The following SH3PXD2A variants were observed in gnomAD, a reference collection of about 807,000 sequenced individuals.
SH3PXD2A encodes the protein SH3 and PX domain-containing protein 2A.
SH3PXD2A carries 32 observed loss-of-function variants against 115.2 expected under a neutral mutation model. The ratio of observed to expected loss-of-function variants is 0.28; its 90% CI spans 0.21 to 0.37. The LOEUF (loss-of-function observed/expected upper bound fraction) is 0.37. SH3PXD2A is among the 10% of genes least tolerant of loss of function. The pLI is 1.00. For missense variants in SH3PXD2A, 1,328 were observed against 1,498.7 expected, an observed-to-expected ratio of 0.89 and a Z score of 1.88; for synonymous variants, 610 against 629.1, an observed-to-expected ratio of 0.97 and a Z score of 0.45.
Position 103,627,212 on chromosome 10 carries a change from G to A in SH3PXD2A, c.605-10C>T, listed in dbSNP as rs1294571775. ...CTCACGAACCACCAGCCTGCAGGGA[G>A]GACAAGAGAGAACAGGACTGTGAGA... On this transcript the variant is annotated splice_polypyrimidine_tract_variant and intron_variant, in intron 8 of 14. Transcript: ENST00000369774. The surrounding 1 kb of genome is among the most constrained non-coding windows in gnomAD (Gnocchi z 4.4). 8 of 1,535,372 alleles carry A rather than the reference G, an allele frequency of 5.2e-6. No homozygotes were observed. The highest frequency in any genetic ancestry group is 7.2e-6 in the Non-Finnish European group (8 of 1,108,630).
intron 6 of SH3PXD2A, among the ~76,000 whole-genome samples, chr10:103,684,778 C>T (rs2037655695): frequency 6.6e-6 from 1 of 152,034 alleles, no homozygotes; most frequent in Non-Finnish European, 1.5e-5. Flanking sequence ...CCTGTAATCC[C>T]AGCACTTTGG....
intron 5 of SH3PXD2A, among the ~76,000 whole-genome samples, chr10:103,718,493 TG>T (rs67524236): frequency 7.1e-6 from 1 of 141,316 alleles, no homozygotes; most frequent in South Asian, 2.1e-4. Flanking sequence ...GGCTGGGGGC[TG>T]GGGGGCTGGA....
At chr10:103,623,513 G>A (rs2036641952) in intron 9 of SH3PXD2A, among the ~76,000 whole-genome samples, 2 of 152,194 alleles carry the variant, frequency 1.3e-5, no homozygotes, top group South Asian at 2.1e-4. Flanking sequence ...CGGGTCTGGG[G>A]GTGGGAGAGG....
intron 6 of SH3PXD2A, among the ~76,000 whole-genome samples, chr10:103,690,179 C>T (rs1297213079): frequency 2.6e-5 from 4 of 152,110 alleles, no homozygotes; most frequent in African/African-American, 4.8e-5. Flanking sequence ...AATGAGGAAA[C>T]GTGAAAATGT....
chr10:103,750,513 G>A (rs1047734949), intron 3 of SH3PXD2A, among the ~76,000 whole-genome samples: 4 of 152,202 alleles, frequency 2.6e-5, no homozygotes, highest in African/African-American at 9.7e-5. Flanking sequence ...AATTTGCCCA[G>A]ACACCCTGAA....
chr10:103,818,714 G>A (rs771281504), intron 1 of SH3PXD2A, among the ~76,000 whole-genome samples: 15 of 152,044 alleles, frequency 9.9e-5, no homozygotes, highest in African/African-American at 2.7e-4. Context: ...AGGTGAAATC[G>A]GCTCACCTTC....
intron 1 of SH3PXD2A, among the ~76,000 whole-genome samples, chr10:103,823,499 C>A (rs369843687): frequency 2.6e-5 from 4 of 152,230 alleles, no homozygotes; most frequent in East Asian, 3.8e-4. Context: ...GCCACCCTAG[C>A]AAGTTCCATG....
intron 2 of SH3PXD2A, among the ~76,000 whole-genome samples, chr10:103,770,566 C>G (rs2038806607): frequency 1.3e-5 from 2 of 152,212 alleles, no homozygotes; most frequent in African/African-American, 4.8e-5. Context: ...ACAAGTGCCA[C>G]ACAGAATGAA....
chr10:103,768,736 G>A (rs904976953), intron 2 of SH3PXD2A, among the ~76,000 whole-genome samples: 20 of 152,334 alleles, frequency 1.3e-4, no homozygotes, highest in South Asian at 2.1e-4. Flanking sequence ...TGGAGGTGGT[G>A]AAAAGCGGTT....
chr10:103,737,146 A>G (rs2038390234), intron 3 of SH3PXD2A, among the ~76,000 whole-genome samples: 1 of 152,232 alleles, frequency 6.6e-6, no homozygotes. Context: ...CCAAGTGGAG[A>G]GAGGGAGAGA....
chr10:103,851,491 C>A (rs764196877), intron 1 of SH3PXD2A, among the ~76,000 whole-genome samples: 1 of 152,098 alleles, frequency 6.6e-6, no homozygotes, highest in Non-Finnish European at 1.5e-5. Context: ...CCTTCCTGCC[C>A]GGATTCTAAT....
At position 103,758,105 on chromosome 10, in the gene SH3PXD2A, C is replaced by T. The variant is rs759725462; in HGVS notation, c.229+8989G>A. Among the ~76,000 whole-genome samples, 6 of 152,212 alleles carry T rather than the reference C, an allele frequency of 3.9e-5. No homozygotes were observed. The East Asian group carries it at 5.8e-4, about 15-fold the overall frequency. ...AGATGATGCTACAGAGCCTGGAGTCCGTGTGACTGGGCCAGATGGCACAGC... is the reference window on the plus strand; with the variant it reads ...AGATGATGCTACAGAGCCTGGAGTCTGTGTGACTGGGCCAGATGGCACAGC... On this transcript the variant is annotated intron_variant, in intron 3 of 14. Coordinates refer to ENST00000369774, the MANE Select transcript of SH3PXD2A (RefSeq NM_001394015.1).
rs539558450 is a variant in SH3PXD2A, at chr10:103,655,348, C to T, written c.604+5635G>A. Among the ~76,000 whole-genome samples, 4 of 152,302 alleles carry T rather than the reference C, an allele frequency of 2.6e-5. No homozygotes were observed. In the East Asian group the frequency reaches 7.7e-4, roughly 29 times the overall value. ...ACCTGCCCTTCTAGAAACAGCCTAG[C>T]CTATCTTTGTTGGGACACTTCTTTT... is the stretch of plus-strand genomic sequence containing the variant. On this transcript the variant is annotated intron_variant, in intron 8 of 14. Transcript: ENST00000369774.
intron 5 of SH3PXD2A, among the ~76,000 whole-genome samples, chr10:103,712,860 G>A (rs1005679918): frequency 6.6e-6 from 1 of 152,176 alleles, no homozygotes; most frequent in African/African-American, 2.4e-5. Context: ...CCCCGTGTGG[G>A]GTGTGGACTT....
chr10:103,672,521 C>G (rs1046688208), intron 6 of SH3PXD2A, among the ~76,000 whole-genome samples: 1 of 152,178 alleles, frequency 6.6e-6, no homozygotes, highest in Non-Finnish European at 1.5e-5. Context: ...TGAGGCAACC[C>G]GAGTCCAAAA....
At chr10:103,777,348 G>A (rs1321009172) in intron 2 of SH3PXD2A, among the ~76,000 whole-genome samples, 5 of 152,268 alleles carry the variant, frequency 3.3e-5, no homozygotes, top group African/African-American at 2.4e-5. Flanking sequence ...AGACTGAGAG[G>A]GGTGGATGGG....
intron 1 of SH3PXD2A, among the ~76,000 whole-genome samples, chr10:103,840,712 C>G (rs562068259): frequency 6.6e-6 from 1 of 152,378 alleles, no homozygotes; most frequent in Middle Eastern, 3.4e-3. Context: ...GCATCTCTCT[C>G]TGCCTCTGTT....
intron 6 of SH3PXD2A, among the ~76,000 whole-genome samples, chr10:103,685,831 G>A (rs1188085201): frequency 2.6e-5 from 4 of 152,302 alleles, no homozygotes; most frequent in Non-Finnish European, 5.9e-5. Flanking sequence ...TTAACTCAAC[G>A]GAATACTCAG....
rs2036152460 is a variant in SH3PXD2A, at chr10:103,597,445, GCAC to G, written c.*4368_*4370del. ...GCCAGGTCTCTCTGAGCAGCTGGCTGCACCACAACAGAAATCAAAACAAGGAAC... is the reference window on the plus strand; with the variant it reads ...GCCAGGTCTCTCTGAGCAGCTGGCTGCACAACAGAAATCAAAACAAGGAAC... On this transcript the variant is annotated 3_prime_UTR_variant, in exon 15 of 15. Coordinates refer to ENST00000369774, the MANE Select transcript of SH3PXD2A (RefSeq NM_001394015.1). The G allele has an allele frequency of 6.6e-6, 1 of 152,304 alleles. No homozygotes were observed. The allele number at this position is 152,304 out of a possible 1,614,324, so 9.4% of individuals were successfully genotyped here.
Sources: allele counts gnomAD v4.1 joint callset (sites outside exome capture counted in the v4.1 genomes callset), GRCh38; gene constraint gnomAD v4.1.1; non-coding constraint Gnocchi (gnomAD v3.1); transcripts MANE v1.5; gene names NCBI Gene and HGNC (gene_info 2026-07-23, HGNC 2026-07-21).